Variants in PTPRS observed in about 807,000 individuals in gnomAD.
PTPRS encodes protein tyrosine phosphatase receptor type S.
PTPRS carries 63 observed loss-of-function variants against 215.3 expected under a neutral mutation model. The observed-to-expected ratio is 0.29, with a 90% CI of 0.24 to 0.36. The LOEUF (loss-of-function observed/expected upper bound fraction) is 0.36, where lower values mean the gene tolerates loss of function less well. PTPRS is among the 10% of genes least tolerant of loss of function. The pLI, the probability that PTPRS is intolerant of heterozygous loss-of-function variation, is 1.00. For missense variants in PTPRS, 2,258 were observed against 2,825.8 expected (o/e 0.80, Z 4.56); for synonymous variants, 1,404 against 1,191.4 (o/e 1.18, Z -3.68).
chr19:5,331,128 TAAAAAAA>T (rs1041351468), intron 1 of PTPRS, among the ~76,000 whole-genome samples: 12 of 100,150 alleles, frequency 1.2e-4, no homozygotes, highest in East Asian at 1.0e-3. Flanking sequence ...CTTCTTTTTT[TAAAAAAA>T]AAAAAAAAAA....
At chr19:5,212,584 C>G in intron 30 of PTPRS, 93 bp from the exon 31 acceptor site, 1 of 1,445,438 alleles carries the variant, frequency 6.9e-7, no homozygotes, top group Non-Finnish European at 9.3e-7. Context: ...TGGCTCATGC[C>G]TGTTATCCCA....
Position 5,222,942 on chromosome 19 carries a change from C to T in PTPRS, c.2850G>A (p.Trp950Ter). 6.4e-7 allele frequency: 1 copy of T among 1,554,620 alleles called. No individual in the cohort carries two copies. The highest frequency in any genetic ancestry group is 1.4e-5 in the African/African-American group (1 of 73,086). ...NASAGTVLLRWLPPVPAERNG... is the reference protein window; with the variant it reads ...NASAGTVLLR ...TGCGCTCGGCGGGCACGGGTGGCAG[C>T]CAGCGGAGAAGGACGGTCCCGGCCG... Residue 950 changes from tryptophan to a stop codon, truncating the protein, a stop_gained, in exon 18 of 38, where the codon TGG (tryptophan) becomes TGA (stop). Transcript: ENST00000262963. LOFTEE classifies it high-confidence loss of function.
At position 5,214,544 on chromosome 19, in the gene PTPRS, T is replaced by C. The variant is rs1440215055; in HGVS notation, c.4494+17A>G. The C allele has an allele frequency of 1.9e-6, 3 of 1,612,016 alleles. No individual in the cohort carries two copies. The African/African-American group carries it at 4.0e-5, about 22-fold the overall frequency. ...CTGACTGGCAGGGGCTTGAGGGCCG[T>C]GGGGTCCAAGGCTCACCCGTGACTT... On this transcript the variant is annotated intron_variant, in intron 29 of 37. Transcript: ENST00000262963.
At chr19:5,218,750 T>A in intron 24 of PTPRS, 37 bp downstream of exon 24, 1 of 1,610,274 alleles carries the variant, frequency 6.2e-7, no homozygotes. Flanking sequence ...CCTCTTCCTC[T>A]TGCCTGAAGC....
intron 19 of PTPRS, 106 bp downstream of exon 19, chr19:5,222,017 G>T: frequency 1.1e-6 from 1 of 885,858 alleles, no homozygotes; most frequent in Non-Finnish European, 1.9e-6. Flanking sequence ...CTCTGACTGA[G>T]CCCTGATCCC....
intron 2 of PTPRS, among the ~76,000 whole-genome samples, chr19:5,282,330 C>T (rs940705376): frequency 6.6e-6 from 1 of 152,176 alleles, no homozygotes; most frequent in Non-Finnish European, 1.5e-5. Context: ...AAATGTCTTG[C>T]AAATGCTTGC....
At chr19:5,215,262 G>A in intron 28 of PTPRS, 27 bp downstream of exon 28, 1 of 1,612,406 alleles carries the variant, frequency 6.2e-7, no homozygotes, top group Non-Finnish European at 8.5e-7. Flanking sequence ...GGGAAGGGCA[G>A]GTTAAGACCC....
In PTPRS at chr19:5,295,173, C is replaced by T. The variant is rs548373504; in HGVS notation, c.-94-8939G>A. ...AAGAAAGCACCCGTACCTCTCGGGC[C>T]GACAGTTTCCCCATCTGCCACATAA... On this transcript the variant is annotated intron_variant, in intron 1 of 37. Coordinates refer to ENST00000262963, the MANE Select transcript of PTPRS (RefSeq NM_002850.4). The surrounding 1 kb of genome is among the most constrained non-coding windows in gnomAD (Gnocchi z 4.6). Among the ~76,000 whole-genome samples, 3 of 152,310 alleles carry T rather than the reference C, an allele frequency of 2.0e-5. No individual in the cohort carries two copies. The highest frequency in any genetic ancestry group is 3.9e-4 in the East Asian group (2 of 5,188).
intron 13 of PTPRS, among the ~76,000 whole-genome samples, chr19:5,234,513 A>G (rs928211700): frequency 6.6e-6 from 1 of 152,236 alleles, no homozygotes; most frequent in African/African-American, 2.4e-5. Context: ...CTAACCTATC[A>G]ACAGCAAGTC....
At chr19:5,313,475 T>C (rs1254276305) in intron 1 of PTPRS, among the ~76,000 whole-genome samples, 1 of 152,146 alleles carries the variant, frequency 6.6e-6, no homozygotes, top group Non-Finnish European at 1.5e-5. Flanking sequence ...GGCTGGCTCG[T>C]CGGAAAACAA....
At chr19:5,260,864 G>C in intron 6 of PTPRS, 42 bp from the exon 7 acceptor site, 1 of 1,541,874 alleles carries the variant, frequency 6.5e-7, no homozygotes, top group Non-Finnish European at 8.8e-7. Flanking sequence ...GTCACAAGGC[G>C]GTTGTTGGGG....
chr19:5,297,622 G>A (rs573656764), intron 1 of PTPRS, among the ~76,000 whole-genome samples: 1 of 152,220 alleles, frequency 6.6e-6, no homozygotes, highest in East Asian at 1.9e-4. Context: ...GCAAAAACTG[G>A]GGGGTCCCTG....
intron 7 of PTPRS, among the ~76,000 whole-genome samples, chr19:5,260,381 T>C (rs1369501202): frequency 6.6e-6 from 1 of 152,096 alleles, no homozygotes; most frequent in Admixed American, 6.6e-5. Flanking sequence ...GGTTTGACCA[T>C]GCTGCCCAGG....
intron 1 of PTPRS, among the ~76,000 whole-genome samples, chr19:5,311,343 G>A (rs369436422): frequency 4.2e-4 from 64 of 152,222 alleles, no homozygotes; most frequent in African/African-American, 1.3e-3. Context: ...TGCATTCCAC[G>A]AGGGAAGGGT....
At chr19:5,245,753 C>G in intron 10 of PTPRS, 23 bp downstream of exon 10, 1 of 1,544,948 alleles carries the variant, frequency 6.5e-7, no homozygotes, top group Non-Finnish European at 8.8e-7. Context: ...CCTCCACCTA[C>G]GAGCCCCATG....
At chr19:5,256,200 A>C in intron 8 of PTPRS, 81 bp from the exon 9 acceptor site, 1 of 1,179,186 alleles carries the variant, frequency 8.5e-7, no homozygotes, top group Non-Finnish European at 1.2e-6. Flanking sequence ...CAGAGAGTAA[A>C]AAGAGGACTT....
At position 5,284,375 on chromosome 19, in the gene PTPRS, TAAAATAAA is replaced by T. The variant is rs749455328; in HGVS notation, c.91+1667_91+1674del. On this transcript the variant is annotated intron_variant, in intron 2 of 37. Transcript: ENST00000262963. Reference sequence around the variant, plus strand: ...ACTCTGTCACAAAAAATTAATTAATTAAAATAAATAAATAAATAAATAAATAAATAAAT... The same window carrying T: ...ACTCTGTCACAAAAAATTAATTAATTTAAATAAATAAATAAATAAATAAAT... Among the ~76,000 whole-genome samples, 465 of 130,430 alleles carry T rather than the reference TAAAATAAA, an allele frequency of 3.6e-3. 1 individual carries two copies. The highest frequency in any genetic ancestry group is 4.9e-3 in the Non-Finnish European group (308 of 62,906). The allele number at this position is 130,430 out of a possible 152,430, so 85.6% of individuals were successfully genotyped here.
At chr19:5,222,247 G>A (rs1293154019) in intron 18 of PTPRS, 27 bp from the exon 19 acceptor site, 1 of 1,569,288 alleles carries the variant, frequency 6.4e-7, no homozygotes, top group Non-Finnish European at 8.8e-7. Flanking sequence ...CGAGCAGGGA[G>A]AGAGCAGAAG....
intron 11 of PTPRS, among the ~76,000 whole-genome samples, chr19:5,242,925 ATCC>A (rs549354486): frequency 2.8e-4 from 43 of 151,650 alleles, no homozygotes; most frequent in African/African-American, 9.2e-4. Context: ...GCCTCAATAA[ATCC>A]TCCTATCTTG....
Sources: allele counts gnomAD v4.1 joint callset (sites outside exome capture counted in the v4.1 genomes callset), GRCh38; gene constraint gnomAD v4.1.1; non-coding constraint Gnocchi (gnomAD v3.1); transcripts MANE v1.5; gene names NCBI Gene and HGNC (gene_info 2026-07-23, HGNC 2026-07-21).